Variants in IGSF11 observed in about 807,000 individuals in gnomAD.
IGSF11 encodes the protein CXADR like 1.
A neutral mutation model predicts 41.0 loss-of-function variants in IGSF11; 22 were observed. The ratio of observed to expected loss-of-function variants is 0.54; its 90% CI spans 0.38 to 0.77. The LOEUF is 0.77. Among genes scored for constraint, IGSF11 ranks in the 30% least tolerant of loss-of-function variants. The probability of loss-of-function intolerance (pLI) is 0.00; values close to 1 mark genes in which losing one functional copy is unlikely to be tolerated. For synonymous variants in IGSF11, 219 were observed against 201.3 expected (o/e 1.09, Z -0.74); for missense variants, 444 against 530.8 (o/e 0.84, Z 1.61).
intron 1 of IGSF11, among the ~76,000 whole-genome samples, chr3:118,931,953 T>G (rs999074339): frequency 6.6e-6 from 1 of 152,170 alleles, no homozygotes; most frequent in Non-Finnish European, 1.5e-5. Context: ...CAGGGTGATC[T>G]CGATCTCCTG....
intron 1 of IGSF11, among the ~76,000 whole-genome samples, chr3:119,089,037 T>C (rs1191414026): frequency 6.6e-6 from 1 of 152,094 alleles, no homozygotes; most frequent in East Asian, 1.9e-4. Context: ...GCTGAAACTA[T>C]TCAAAAAAAT....
intron 1 of IGSF11, among the ~76,000 whole-genome samples, chr3:119,023,308 G>C (rs201691821): frequency 7.7e-6 from 1 of 130,676 alleles, no homozygotes; most frequent in African/African-American, 2.8e-5. Context: ...GGTGAGGAAA[G>C]AAAGGATAGT....
At chr3:119,096,128 A>G (rs1269469403) in intron 1 of IGSF11, among the ~76,000 whole-genome samples, 1 of 152,136 alleles carries the variant, frequency 6.6e-6, no homozygotes, top group African/African-American at 2.4e-5. Flanking sequence ...AACTCTAAGA[A>G]AACAATGGAT....
intron 1 of IGSF11, among the ~76,000 whole-genome samples, chr3:119,022,730 T>A (rs1290853394): frequency 1.3e-5 from 2 of 152,042 alleles, no homozygotes; most frequent in Admixed American, 1.3e-4. Flanking sequence ...TAAAATAGAT[T>A]GACAATACCT....
Position 118,937,213 on chromosome 3 carries a change from A to G in IGSF11, c.53-6938T>C, listed in dbSNP as rs943561015. Among the ~76,000 whole-genome samples the G allele has an allele frequency of 3.3e-5, 5 of 152,354 alleles. 1 individual carries two copies. The highest frequency in any genetic ancestry group is 1.9e-4 in the East Asian group (1 of 5,194). Reference sequence around the variant, plus strand: ...GTGGTCACAAAATGCTTATTAGTTTATATCATCCCATATGATCTCACAAGT... The same window carrying G: ...GTGGTCACAAAATGCTTATTAGTTTGTATCATCCCATATGATCTCACAAGT... On this transcript the variant is annotated intron_variant, in intron 1 of 6. Coordinates refer to ENST00000393775, the MANE Select transcript of IGSF11 (RefSeq NM_001015887.3).
intron 1 of IGSF11, among the ~76,000 whole-genome samples, chr3:118,993,621 A>G (rs2107655897): frequency 6.6e-6 from 1 of 152,384 alleles, no homozygotes; most frequent in East Asian, 1.9e-4. Flanking sequence ...CCATCAACTG[A>G]TGAATGAAAA....
chr3:118,947,479 A>G (rs905258010), intron 1 of IGSF11: 3 of 152,246 alleles, frequency 2.0e-5, no homozygotes, highest in Non-Finnish European at 2.9e-5. Flanking sequence ...AACTAAATAA[A>G]TGTTCTTTAA....
chr3:118,961,413 G>A lies in IGSF11; in HGVS notation c.53-31138C>T, dbSNP rs145682373. On this transcript the variant is annotated intron_variant, in intron 1 of 6. Transcript: ENST00000393775. ...CTCAGGGCACTGTATAATACACAAA[G>A]GGGCAATTTTCCTATATAAAAATTA... 5.1e-4 allele frequency among the ~76,000 whole-genome samples: 77 copies of A among 152,124 alleles called. 1 individual carries two copies. Among genetic ancestry groups the A allele is most frequent in the African/African-American group, 1.8e-3 (74 of 41,506 alleles).
chr3:118,903,041 A>G (rs1939109773), intron 6 of IGSF11, 80 bp from the exon 7 acceptor site: 1 of 1,362,334 alleles, frequency 7.3e-7, no homozygotes, highest in Admixed American at 2.0e-5. Context: ...CTTTCTTTTC[A>G]TGTCAGGGCT....
intron 1 of IGSF11, among the ~76,000 whole-genome samples, chr3:119,094,223 TAAAAAAAAAAAAAAAAA>T (rs1175348778): frequency 2.9e-5 from 1 of 35,066 alleles, no homozygotes; most frequent in Non-Finnish European, 5.7e-5. Flanking sequence ...CATAGCGAAG[TAAAAAAAAAAAAAAAAA>T]AAAAAAAAAA....
intron 4 of IGSF11, among the ~76,000 whole-genome samples, chr3:118,906,425 G>A (rs1157716421): frequency 6.6e-6 from 1 of 152,192 alleles, no homozygotes; most frequent in East Asian, 1.9e-4. Flanking sequence ...CAGATGGGGA[G>A]TCCCTGAGCC....
intron 1 of IGSF11, among the ~76,000 whole-genome samples, chr3:119,077,014 C>T (rs558438440): frequency 1.3e-5 from 2 of 152,136 alleles, no homozygotes; most frequent in African/African-American, 2.4e-5. Context: ...GACTTGGAAC[C>T]AACCCAAATG....
chr3:118,962,603 C>T (rs1311981424), intron 1 of IGSF11, among the ~76,000 whole-genome samples: 1 of 151,964 alleles, frequency 6.6e-6, no homozygotes, highest in African/African-American at 2.4e-5. Context: ...TTCTGAGGGA[C>T]AGACAGGTGA....
At chr3:118,980,281 C>T (rs1254230034) in intron 1 of IGSF11, among the ~76,000 whole-genome samples, 1 of 152,138 alleles carries the variant, frequency 6.6e-6, no homozygotes, top group Non-Finnish European at 1.5e-5. Context: ...CCTAAGCGTA[C>T]ATCAACAGAT....
Position 118,902,785 on chromosome 3 carries a change from G to C in IGSF11, c.1031C>G (p.Ser344Cys), listed in dbSNP as rs1939058869. 1.2e-6 allele frequency: 2 copies of C among 1,614,176 alleles called. No individual in the cohort carries two copies. The highest frequency in any genetic ancestry group is 1.7e-6 in the Non-Finnish European group (2 of 1,180,000). Reference sequence around the variant, plus strand: ...GGCATTGCCTGAGTGGAAAGAGAAAGATTGGCCCAAGTCACTGAAGTGGCT... The same window carrying C: ...GGCATTGCCTGAGTGGAAAGAGAAACATTGGCCCAAGTCACTGAAGTGGCT... ...SVSHFSDLGQSFSFHSGNANI... is the reference protein window; with the variant it reads ...SVSHFSDLGQCFSFHSGNANI... Residue 344 changes from serine (S) to cysteine (C), a missense_variant, in exon 7 of 7, where the codon TCT becomes TGT. By Grantham distance (112) the Ser-to-Cys change is moderately radical. Transcript: ENST00000393775.
At chr3:119,082,446 G>C (rs1012530743) in intron 1 of IGSF11, among the ~76,000 whole-genome samples, 1 of 152,096 alleles carries the variant, frequency 6.6e-6, no homozygotes, top group Non-Finnish European at 1.5e-5. Flanking sequence ...AACTATTACA[G>C]GTTCTAAGAA....
chr3:118,969,475 G>A (rs1933122928), intron 1 of IGSF11, among the ~76,000 whole-genome samples: 1 of 152,152 alleles, frequency 6.6e-6, no homozygotes, highest in Non-Finnish European at 1.5e-5. Flanking sequence ...CGGGAACAAT[G>A]AAGCGGACAC....
intron 1 of IGSF11, among the ~76,000 whole-genome samples, chr3:118,961,820 C>T (rs1266721276): frequency 6.6e-6 from 1 of 152,206 alleles, no homozygotes; most frequent in Non-Finnish European, 1.5e-5. Context: ...TAATAAATTA[C>T]TCCCTGTTAA....
rs189359935 is a variant in IGSF11, at chr3:119,123,021, G to C, written c.-13-17816C>G. On this transcript the variant is annotated intron_variant, in intron 1 of 7. Coordinates refer to the IGSF11 transcript ENST00000425327. ...CTTAGGTACTAGCTCAGCCACAATG[G>C]GGTAGAGTACCAGTTGGGCTCTTAA... is the stretch of plus-strand genomic sequence containing the variant. 2.2e-3 allele frequency among the ~76,000 whole-genome samples: 333 copies of C among 152,286 alleles called. 2 individuals are homozygous for C. The highest frequency in any genetic ancestry group is 9.1e-3 in the South Asian group (44 of 4,832).
Sources: allele counts gnomAD v4.1 joint callset (sites outside exome capture counted in the v4.1 genomes callset), GRCh38; gene constraint gnomAD v4.1.1; transcripts MANE v1.5; gene names NCBI Gene and HGNC (gene_info 2026-07-23, HGNC 2026-07-21).